The following MSH3 variants were observed in gnomAD, a reference collection of about 807,000 sequenced individuals.
The protein encoded by MSH3 is DNA mismatch repair protein Msh3.
MSH3 carries 106 observed loss-of-function variants against 123.3 expected under a neutral mutation model. That is an observed-to-expected ratio of 0.86 (90% CI 0.73 to 1.01). The LOEUF (loss-of-function observed/expected upper bound fraction) is 1.01. Ranked by LOEUF, MSH3 falls within the 50% of genes least tolerant of loss-of-function variation. MSH3 has a pLI of 0.00. For synonymous variants in MSH3, 515 were observed against 481.4 expected (o/e 1.07, Z -0.91); for missense variants, 1,459 against 1,347.6 (o/e 1.08, Z -1.29).
chr5:80,761,230 G>A lies in MSH3; in HGVS notation c.1764-316G>A, dbSNP rs55900745. 2.6e-5 allele frequency among the ~76,000 whole-genome samples: 4 copies of A among 152,284 alleles called. No homozygotes were observed. The East Asian group carries it at 7.7e-4, about 29-fold the overall frequency. On this transcript the variant is annotated intron_variant, in intron 12 of 23. Transcript: ENST00000265081. ...CAAAGACTCTCCAACAAGACAGAAC[G>A]AGAATCTTGCTAGTATGCTTCCCGC...
intron 8 of MSH3, among the ~76,000 whole-genome samples, chr5:80,692,000 G>A (rs1263091429): frequency 1.0e-5 from 1 of 96,270 alleles, no homozygotes; most frequent in African/African-American, 3.9e-5. Context: ...TGTTTAGATA[G>A]ATAAACATGT....
At chr5:80,700,982 C>T (rs1750596156) in intron 8 of MSH3, among the ~76,000 whole-genome samples, 1 of 152,038 alleles carries the variant, frequency 6.6e-6, no homozygotes, top group Non-Finnish European at 1.5e-5. Context: ...GTAAATACAC[C>T]TGTTCATTTG....
chr5:80,657,173 G>T (rs1474289984), intron 2 of MSH3, among the ~76,000 whole-genome samples: 1 of 152,134 alleles, frequency 6.6e-6, no homozygotes, highest in African/African-American at 2.4e-5. Context: ...GGGCGCAGGG[G>T]CTCACACCTG....
At chr5:80,710,227 T>G (rs1750832064) in intron 8 of MSH3, among the ~76,000 whole-genome samples, 1 of 152,184 alleles carries the variant, frequency 6.6e-6, no homozygotes, top group Non-Finnish European at 1.5e-5. Flanking sequence ...TCAGAGATGT[T>G]AAGTAGCTTG....
intron 19 of MSH3, among the ~76,000 whole-genome samples, chr5:80,810,281 AAAT>A (rs1259902335): frequency 1.3e-5 from 2 of 151,422 alleles, no homozygotes; most frequent in African/African-American, 4.8e-5. Context: ...TCTGCATTGT[AAAT>A]AATTGTTTTA....
rs909150706 is a variant in MSH3, at chr5:80,864,299, G to A, written c.3001-514G>A. 3.3e-5 allele frequency among the ~76,000 whole-genome samples: 5 copies of A among 152,118 alleles called. No homozygotes were observed. In the South Asian group the frequency reaches 1.0e-3, roughly 32 times the overall value. ...CAAAGTCCAAATTGAAAGACATTATGCAAAACAGCATAAGTGCCCCCTCCA... is the reference window on the plus strand; with the variant it reads ...CAAAGTCCAAATTGAAAGACATTATACAAAACAGCATAAGTGCCCCCTCCA... On this transcript the variant is annotated intron_variant, in intron 21 of 23. Coordinates refer to ENST00000265081, the MANE Select transcript of MSH3 (RefSeq NM_002439.5).
chr5:80,804,275 T>C (rs1744843461), intron 19 of MSH3, among the ~76,000 whole-genome samples: 1 of 152,248 alleles, frequency 6.6e-6, no homozygotes, highest in Admixed American at 6.5e-5. Context: ...GAACATAGGT[T>C]GTAGTCAGAC....
chr5:80,770,227 A>G (rs555667170), intron 15 of MSH3, among the ~76,000 whole-genome samples: 1 of 152,148 alleles, frequency 6.6e-6, no homozygotes, highest in South Asian at 2.1e-4. Flanking sequence ...TAGTTACTTT[A>G]ATAAAAGATA....
intron 10 of MSH3, among the ~76,000 whole-genome samples, chr5:80,736,175 G>C (rs1226281426): frequency 6.6e-6 from 1 of 152,024 alleles, no homozygotes; most frequent in Non-Finnish European, 1.5e-5. Flanking sequence ...GCAGTGAGCC[G>C]AGATCGCGCC....
intron 14 of MSH3, among the ~76,000 whole-genome samples, chr5:80,768,354 A>G (rs1744160317): frequency 6.6e-6 from 1 of 152,150 alleles, no homozygotes; most frequent in African/African-American, 2.4e-5. Flanking sequence ...CCCACATATC[A>G]GATGATGGAA....
At chr5:80,658,052 A>ATTTTTTTTTTTTTTTT (rs1749332517) in intron 2 of MSH3, among the ~76,000 whole-genome samples, 1 of 17,242 alleles carries the variant, frequency 5.8e-5, no homozygotes, top group African/African-American at 5.2e-4. Flanking sequence ...TTTTTTTTTG[A>ATTTTTTTTTTTTTTTT]GATAGGGTCT....
chr5:80,784,931 G>A (rs1477160538), intron 17 of MSH3, among the ~76,000 whole-genome samples: 1 of 152,142 alleles, frequency 6.6e-6, no homozygotes, highest in Admixed American at 6.5e-5. Context: ...CAGAAATAAA[G>A]CTGGATAGTT....
At chr5:80,863,011 G>A in intron 21 of MSH3, among the ~76,000 whole-genome samples, 1 of 152,164 alleles carries the variant, frequency 6.6e-6, no homozygotes, top group East Asian at 1.9e-4. Context: ...AAAGTGTCAT[G>A]CCACAGGTTA....
intron 9 of MSH3, among the ~76,000 whole-genome samples, chr5:80,727,157 ATTC>A (rs756281083): frequency 6.6e-6 from 1 of 152,214 alleles, no homozygotes; most frequent in Non-Finnish European, 1.5e-5. Context: ...GGTATTTATA[ATTC>A]TTCTCAGTCC....
chr5:80,873,332 C>G (rs773353689), intron 23 of MSH3, 45 bp downstream of exon 23: 1 of 1,596,556 alleles, frequency 6.3e-7, no homozygotes, highest in Admixed American at 1.7e-5. Context: ...ATGAAACCTT[C>G]TAAGTTGTCC....
chr5:80,876,113 G>A lies in MSH3; in HGVS notation c.*251G>A. On this transcript the variant is annotated 3_prime_UTR_variant, in exon 24 of 24. Transcript: ENST00000265081. The stretch of plus-strand genomic sequence containing the variant: ...AATTAGAAAATTTTATGGACAGTAA[G>A]TCCAGTAAAGCCTTAAGTGGCAGAA... The A allele has an allele frequency of 8.6e-6, 4 of 462,564 alleles. No individual in the cohort carries two copies. The highest frequency in any genetic ancestry group is 7.4e-5 in the Admixed American group (2 of 27,186). 28.7% of individuals were successfully genotyped at this position (462,564 alleles called of 1,614,324 possible). A position where few individuals can be genotyped will look rare whatever the true frequency, so the allele number is the denominator to read the frequency against.
In MSH3 at chr5:80,858,759, T is replaced by C. The variant is rs141724666; in HGVS notation, c.3000+4443T>C. ...TTGTTGAGTTCAGCTGTGTCCTTACTGATTTTCTGCCTGCTGGATCTGTCT... is the reference window on the plus strand; with the variant it reads ...TTGTTGAGTTCAGCTGTGTCCTTACCGATTTTCTGCCTGCTGGATCTGTCT... On this transcript the variant is annotated intron_variant, in intron 21 of 23. Coordinates refer to ENST00000265081, the MANE Select transcript of MSH3 (RefSeq NM_002439.5). Among the ~76,000 whole-genome samples, 300 of 152,304 alleles carry C rather than the reference T, an allele frequency of 2.0e-3. 2 individuals carry two copies. Among genetic ancestry groups the C allele is most frequent in the African/African-American group, 7.2e-3 (299 of 41,576 alleles).
chr5:80,792,698 T>G (rs1292954979), intron 18 of MSH3, 35 bp from the exon 19 acceptor site: 15 of 1,294,630 alleles, frequency 1.2e-5, no homozygotes, highest in Non-Finnish European at 1.7e-5. Flanking sequence ...GCTATTTCCA[T>G]GCCTAGTAAA....
intron 19 of MSH3, among the ~76,000 whole-genome samples, chr5:80,803,809 G>A (rs1028829080): frequency 2.6e-5 from 4 of 152,042 alleles, no homozygotes; most frequent in African/African-American, 9.7e-5. Flanking sequence ...GTATTGAAGA[G>A]ACTGTCTTTT....
Sources: allele counts gnomAD v4.1 joint callset (sites outside exome capture counted in the v4.1 genomes callset), GRCh38; gene constraint gnomAD v4.1.1; transcripts MANE v1.5; gene names NCBI Gene and HGNC (gene_info 2026-07-23, HGNC 2026-07-21).